IL1RAPL1: variants seen among roughly 807,000 people sequenced by gnomAD.
IL1RAPL1 encodes the protein interleukin 1 receptor accessory protein like 1.
In IL1RAPL1, 3 loss-of-function variants were observed where a neutral mutation model predicts 48.4. That is an observed-to-expected ratio of 0.06 (90% CI 0.03 to 0.16). IL1RAPL1 has a LOEUF of 0.16. IL1RAPL1 is among the 10% of genes least tolerant of loss of function. The probability of loss-of-function intolerance (pLI) is 1.00; values close to 1 mark genes in which losing one functional copy is unlikely to be tolerated. For missense variants in IL1RAPL1, 349 were observed against 530.6 expected (o/e 0.66, Z 3.36); for synonymous variants, 185 against 187.7 (o/e 0.99, Z 0.12).
At chrX:29,902,715 ATTAAC>A (rs1268848140) in intron 6 of IL1RAPL1, among the ~76,000 whole-genome samples, 3 of 111,590 alleles carry the variant, frequency 2.7e-5, no homozygotes, top group Admixed American at 9.6e-5. Flanking sequence ...ATAAATTTAT[ATTAAC>A]TTAATTAACT....
intron 5 of IL1RAPL1, among the ~76,000 whole-genome samples, chrX:29,410,612 G>A (rs1248055927): frequency 2.7e-5 from 3 of 111,591 alleles, no homozygotes; most frequent in African/African-American, 9.8e-5. Context: ...GGAAAATGCA[G>A]TCAATTAGAC....
At chrX:29,131,477 A>T (rs759600122) in intron 2 of IL1RAPL1, among the ~76,000 whole-genome samples, 2 of 110,170 alleles carry the variant, frequency 1.8e-5, no homozygotes, top group South Asian at 3.9e-4. Context: ...AAAGTTCTCA[A>T]TTTTTTTGCA....
At chrX:29,946,706 C>T (rs1333885613) in intron 9 of IL1RAPL1, among the ~76,000 whole-genome samples, 1 of 112,022 alleles carries the variant, frequency 8.9e-6, no homozygotes, top group East Asian at 2.8e-4. Flanking sequence ...AAGAAATTTT[C>T]TCCCAAGGCA....
chrX:29,523,570 A>G (rs1935523811), intron 5 of IL1RAPL1, among the ~76,000 whole-genome samples: 1 of 111,971 alleles, frequency 8.9e-6, no homozygotes, highest in African/African-American at 3.2e-5. Flanking sequence ...CAAAAAACAC[A>G]CTGAATGTAG....
At chrX:29,683,566 G>A (rs1411807324) in intron 6 of IL1RAPL1, among the ~76,000 whole-genome samples, 1 of 112,250 alleles carries the variant, frequency 8.9e-6, no homozygotes, top group Non-Finnish European at 1.9e-5. Context: ...TACAGATAAT[G>A]ATCAAAGCTT....
chrX:28,919,706 A>G (rs1006560351), intron 2 of IL1RAPL1, among the ~76,000 whole-genome samples: 3 of 112,168 alleles, frequency 2.7e-5, no homozygotes, highest in African/African-American at 9.7e-5. Flanking sequence ...ACTGACACAT[A>G]CGCATTCCAT....
intron 5 of IL1RAPL1, among the ~76,000 whole-genome samples, chrX:29,566,721 A>T (rs1404053400): frequency 1.8e-5 from 2 of 112,608 alleles, no homozygotes; most frequent in African/African-American, 6.4e-5. Flanking sequence ...TAAATAAAGT[A>T]TAAAAAGTGG....
intron 6 of IL1RAPL1, among the ~76,000 whole-genome samples, chrX:29,796,277 A>G (rs1262542400): frequency 8.9e-6 from 1 of 112,440 alleles, no homozygotes; most frequent in Non-Finnish European, 1.9e-5. Context: ...TGCTACCTAC[A>G]TGCCTATGAC....
chrX:29,898,437 A>G (rs754122857), intron 6 of IL1RAPL1, among the ~76,000 whole-genome samples: 5 of 110,572 alleles, frequency 4.5e-5, no homozygotes, highest in Non-Finnish European at 7.6e-5. Flanking sequence ...AATGTGAGGA[A>G]TTCCAACAGT....
intron 5 of IL1RAPL1, among the ~76,000 whole-genome samples, chrX:29,528,180 A>G (rs1935574169): frequency 8.9e-6 from 1 of 112,452 alleles, no homozygotes; most frequent in East Asian, 2.8e-4. Flanking sequence ...ATCTCCTACA[A>G]TGCAAATATA....
At chrX:29,708,567 G>A (rs781444757) in intron 6 of IL1RAPL1, among the ~76,000 whole-genome samples, 3 of 111,574 alleles carry the variant, frequency 2.7e-5, no homozygotes, top group East Asian at 2.8e-4. Context: ...TTTAAAGGCC[G>A]TATAATATTC....
chrX:28,970,930 A>G (rs1246041924), intron 2 of IL1RAPL1, among the ~76,000 whole-genome samples: 1 of 111,368 alleles, frequency 9.0e-6, no homozygotes, highest in Non-Finnish European at 1.9e-5. Flanking sequence ...GCCACATAAT[A>G]CCAGTCTAAA....
chrX:28,710,672 C>A (rs1935430915), intron 1 of IL1RAPL1, among the ~76,000 whole-genome samples: 1 of 110,775 alleles, frequency 9.0e-6, no homozygotes, highest in Non-Finnish European at 1.9e-5. Flanking sequence ...TTAGTAGCTA[C>A]TTTGAAAAAA....
chrX:29,158,931 TC>T (rs1176557881), intron 2 of IL1RAPL1, among the ~76,000 whole-genome samples: 128 of 55,641 alleles, frequency 2.3e-3, no homozygotes, highest in South Asian at 0.013. Context: ...TCTCTCTCTC[TC>T]CCCCCCCCTC....
chrX:29,565,742 T>A (rs1006993324), intron 5 of IL1RAPL1, among the ~76,000 whole-genome samples: 1 of 111,905 alleles, frequency 8.9e-6, no homozygotes, highest in Non-Finnish European at 1.9e-5. Flanking sequence ...GAAATACTAA[T>A]ACATGTATAT....
At position 28,819,259 on chromosome X, in the gene IL1RAPL1, T is replaced by C. The variant is rs187448533; in HGVS notation, c.82+29834T>C. On this transcript the variant is annotated intron_variant, in intron 2 of 10. Transcript: ENST00000378993. ...TTCGGATCCTTTAAGAATTATTTTT[T>C]TGGAATCTTGATATGTCAAGTGATT... is the stretch of plus-strand genomic sequence containing the variant. Among the ~76,000 whole-genome samples, 5 of 111,645 alleles carry C rather than the reference T, an allele frequency of 4.5e-5. No homozygotes were observed. The East Asian group carries it at 1.4e-3, about 32-fold the overall frequency.
intron 3 of IL1RAPL1, among the ~76,000 whole-genome samples, chrX:29,327,135 G>A (rs1932847930): frequency 9.0e-6 from 1 of 111,070 alleles, no homozygotes; most frequent in African/African-American, 3.3e-5. Flanking sequence ...TAATTATTCT[G>A]GGTACTAAGA....
intron 6 of IL1RAPL1, among the ~76,000 whole-genome samples, chrX:29,872,039 AAGTT>A (rs200618781): frequency 0.01 from 1,142 of 111,731 alleles, 12 homozygotes; most frequent in African/African-American, 0.034. Flanking sequence ...ACCTTTTTCT[AAGTT>A]AGTTATAAAA....
At chrX:28,895,487 G>T (rs977187665) in intron 2 of IL1RAPL1, among the ~76,000 whole-genome samples, 3 of 105,137 alleles carry the variant, frequency 2.9e-5, no homozygotes, top group African/African-American at 1.0e-4. Flanking sequence ...ACGAGAGGGG[G>T]ATGCAAAGGA....
Sources: allele counts gnomAD v4.1 joint callset (sites outside exome capture counted in the v4.1 genomes callset), GRCh38; gene constraint gnomAD v4.1.1; transcripts MANE v1.5; gene names NCBI Gene and HGNC (gene_info 2026-07-23, HGNC 2026-07-21).